Variants in USH2A observed in about 807,000 individuals in gnomAD.
USH2A encodes the protein Usher syndrome 2A (autosomal recessive, mild).
Under a neutral mutation model 538.9 loss-of-function variants are expected in USH2A, and 443 were observed. That is an observed-to-expected ratio of 0.82 (90% CI 0.76 to 0.89). The LOEUF (loss-of-function observed/expected upper bound fraction) is 0.89, where lower values mean the gene tolerates loss of function less well. USH2A is among the 40% of genes least tolerant of loss of function. USH2A has a pLI of 0.00. For missense variants in USH2A, 6,633 were observed against 6,324.8 expected (o/e 1.05, Z -1.65); for synonymous variants, 2,413 against 2,273.5 (o/e 1.06, Z -1.75).
intron 21 of USH2A, chr1:216,174,774 A>G: frequency 1.0e-6 from 1 of 997,464 alleles, no homozygotes; most frequent in South Asian, 4.4e-5. Flanking sequence ...ACAGCAAGAG[A>G]AAGAAAAAGA....
At chr1:216,228,215 C>T (rs2035598419) in intron 14 of USH2A, among the ~76,000 whole-genome samples, 1 of 151,940 alleles carries the variant, frequency 6.6e-6, no homozygotes, top group Non-Finnish European at 1.5e-5. Flanking sequence ...TCACAAAATC[C>T]AGGGTGTAGC....
chr1:216,259,974 CA>C (rs1355212512), intron 11 of USH2A, among the ~76,000 whole-genome samples: 1 of 151,906 alleles, frequency 6.6e-6, no homozygotes, highest in Non-Finnish European at 1.5e-5. Flanking sequence ...AGAGAAACTG[CA>C]GTACGAGTGC....
At chr1:215,957,234 A>G (rs943696904) in intron 37 of USH2A, among the ~76,000 whole-genome samples, 4 of 152,256 alleles carry the variant, frequency 2.6e-5, no homozygotes, top group Non-Finnish European at 5.9e-5. Flanking sequence ...CCATAAGAAC[A>G]TTCTCCCACA....
In USH2A at chr1:215,674,236, T is replaced by G; in HGVS notation, c.13675A>C (p.Asn4559His). Residue 4559 changes from asparagine to histidine, a missense_variant, in exon 63 of 72, where the codon AAT (asparagine) becomes CAT (histidine). Transcript: ENST00000307340. ...AGGGTATAATTGATGATATCACCAT[T>G]TGTTCTCACTGGAGGGTCCCAGTTC... ...LVNWDPPVRT[N>H]GDIINYTLFI... The G allele has an allele frequency of 6.2e-7, 1 of 1,614,196 alleles. No homozygotes were observed. Among genetic ancestry groups the G allele is most frequent in the Non-Finnish European group, 8.5e-7 (1 of 1,180,028 alleles).
At chr1:216,107,147 A>C (rs1405201933) in intron 21 of USH2A, among the ~76,000 whole-genome samples, 2 of 151,788 alleles carry the variant, frequency 1.3e-5, no homozygotes, top group Non-Finnish European at 3.0e-5. Flanking sequence ...ACTGTCACTG[A>C]AGTTTGTTGA....
At chr1:216,060,188 A>G (rs2031127008) in intron 30 of USH2A, among the ~76,000 whole-genome samples, 1 of 152,208 alleles carries the variant, frequency 6.6e-6, no homozygotes, top group Non-Finnish European at 1.5e-5. Flanking sequence ...CCTTCCAAAA[A>G]TACAATTGGA....
chr1:216,132,029 A>G (rs1375310388), intron 21 of USH2A, among the ~76,000 whole-genome samples: 1 of 152,078 alleles, frequency 6.6e-6, no homozygotes, highest in African/African-American at 2.4e-5. Flanking sequence ...AATTTAACCT[A>G]GAAATTTGTG....
intron 63 of USH2A, 101 bp downstream of exon 63, chr1:215,673,999 G>A (rs1021054017): frequency 3.7e-5 from 59 of 1,602,780 alleles, no homozygotes; most frequent in Non-Finnish European, 4.3e-5. Flanking sequence ...GGGACACCTT[G>A]CATCCCATTT....
At chr1:216,214,199 A>T (rs1055774362) in intron 15 of USH2A, among the ~76,000 whole-genome samples, 2 of 152,032 alleles carry the variant, frequency 1.3e-5, no homozygotes, top group Non-Finnish European at 2.9e-5. Flanking sequence ...TTCTCAGGAT[A>T]TAAAGAGATA....
At chr1:215,836,412 G>T (rs1400424958) in intron 47 of USH2A, among the ~76,000 whole-genome samples, 1 of 117,626 alleles carries the variant, frequency 8.5e-6, no homozygotes, top group African/African-American at 3.0e-5. Flanking sequence ...TTAGAATCAT[G>T]TCTTATGCTC....
chr1:215,846,243 C>T (rs888106886), intron 44 of USH2A, among the ~76,000 whole-genome samples: 8 of 152,132 alleles, frequency 5.3e-5, no homozygotes, highest in Admixed American at 1.3e-4. Flanking sequence ...GACAGAGTCT[C>T]GCTCTGTCAC....
At chr1:215,679,483 C>T (rs1658152744) in intron 62 of USH2A, among the ~76,000 whole-genome samples, 1 of 152,192 alleles carries the variant, frequency 6.6e-6, no homozygotes, top group Non-Finnish European at 1.5e-5. Context: ...ATGTCTGCCA[C>T]CATCCTTGGG....
intron 40 of USH2A, among the ~76,000 whole-genome samples, chr1:215,896,041 A>G: frequency 6.6e-6 from 1 of 152,230 alleles, no homozygotes; most frequent in Non-Finnish European, 1.5e-5. Context: ...TATGTGGTTC[A>G]TCATCAACTG....
chr1:216,353,197 G>A (rs957073515), intron 4 of USH2A, among the ~76,000 whole-genome samples: 2 of 152,042 alleles, frequency 1.3e-5, no homozygotes, highest in African/African-American at 2.4e-5. Context: ...GTGGAAAGTC[G>A]TTAAATCATT....
intron 21 of USH2A, 113 bp from the exon 22 acceptor site, chr1:216,097,326 T>C: frequency 6.4e-7 from 1 of 1,572,794 alleles, no homozygotes; most frequent in Non-Finnish European, 8.7e-7. Flanking sequence ...AGTCAGGAAA[T>C]TATACACAGC....
At chr1:215,733,687 C>A (rs7525216) in intron 60 of USH2A, among the ~76,000 whole-genome samples, 104,899 of 152,100 alleles carry the variant, frequency 0.69, 37,668 homozygotes, top group Non-Finnish European at 0.81. Flanking sequence ...AATTGGCTAA[C>A]AGAAAGGGCC....
chr1:215,996,200 T>C (rs1668131555), intron 34 of USH2A, among the ~76,000 whole-genome samples: 1 of 152,194 alleles, frequency 6.6e-6, no homozygotes, highest in Non-Finnish European at 1.5e-5. Flanking sequence ...TGTAAGCCAG[T>C]GTGCCCGGAC....
intron 50 of USH2A, among the ~76,000 whole-genome samples, chr1:215,794,676 A>G (rs1210206452): frequency 1.3e-5 from 2 of 152,232 alleles, no homozygotes; most frequent in African/African-American, 4.8e-5. Context: ...CACTATGATT[A>G]TCAGAGTTGG....
intron 52 of USH2A, among the ~76,000 whole-genome samples, chr1:215,784,656 A>G (rs1661742225): frequency 6.6e-6 from 1 of 152,190 alleles, no homozygotes; most frequent in Non-Finnish European, 1.5e-5. Context: ...GTAAGTTTCT[A>G]AAAGAGTCTG....
Sources: gnomAD v4.1 joint callset for allele counts (sites outside exome capture counted in the v4.1 genomes callset) on GRCh38, gnomAD v4.1.1 for gene constraint, MANE v1.5 for transcripts, NCBI Gene and HGNC (gene_info 2026-07-23, HGNC 2026-07-21) for gene names.